Variants in HABP4 observed in about 807,000 individuals in gnomAD.
HABP4 encodes hyaluronan binding protein 4.
In HABP4, 32 loss-of-function variants were observed where a neutral mutation model predicts 44.1. The ratio of observed to expected loss-of-function variants is 0.73; its 90% confidence interval spans 0.55 to 0.97. HABP4 has a LOEUF of 0.97. Ranked by LOEUF, HABP4 falls within the 50% of genes least tolerant of loss-of-function variation. HABP4 has a pLI of 0.00. For missense variants in HABP4, 503 were observed against 561.9 expected (o/e 0.90, Z 1.06); for synonymous variants, 216 against 218.0 (o/e 0.99, Z 0.08).
At chr9:96,481,071 C>T (rs1832868962) in intron 5 of HABP4, among the ~76,000 whole-genome samples, 1 of 152,084 alleles carries the variant, frequency 6.6e-6, no homozygotes, top group Non-Finnish European at 1.5e-5. Flanking sequence ...ATTCCCCACT[C>T]CCCACCTACT....
chr9:96,474,009 G>A (rs557745524), intron 5 of HABP4, among the ~76,000 whole-genome samples: 2 of 152,230 alleles, frequency 1.3e-5, no homozygotes, highest in Admixed American at 1.3e-4. Flanking sequence ...ACATTATAGG[G>A]TTCTTGTAAA....
intron 4 of HABP4, among the ~76,000 whole-genome samples, chr9:96,469,672 G>A (rs1297078887): frequency 6.6e-6 from 1 of 151,964 alleles, no homozygotes; most frequent in Non-Finnish European, 1.5e-5. Flanking sequence ...ACAGGCACCC[G>A]CCACCACGCC....
chr9:96,457,570 T>C (rs989460777), intron 1 of HABP4, among the ~76,000 whole-genome samples: 2 of 152,180 alleles, frequency 1.3e-5, no homozygotes, highest in African/African-American at 4.8e-5. Context: ...CTACAAACTT[T>C]AAAAACAAAA....
At chr9:96,472,715 G>T (rs10820666) in intron 5 of HABP4, among the ~76,000 whole-genome samples, 35,305 of 152,030 alleles carry the variant, frequency 0.23, 5,109 homozygotes, top group African/African-American at 0.41. Context: ...TCTCTCCTGC[G>T]TAAGTGTCCT....
At chr9:96,488,000 T>C in intron 6 of HABP4, 89 bp from the exon 7 acceptor site, 1 of 888,484 alleles carries the variant, frequency 1.1e-6, no homozygotes, top group Non-Finnish European at 1.9e-6. Flanking sequence ...GTGTTTTAGC[T>C]CCTGTGTAGC....
chr9:96,465,631 T>C, intron 3 of HABP4, 79 bp from the exon 4 acceptor site: 4 of 1,213,418 alleles, frequency 3.3e-6, no homozygotes, highest in Admixed American at 1.7e-5. Flanking sequence ...TCCTGGGACT[T>C]TTATGAACCA....
chr9:96,471,216 C>T, intron 5 of HABP4, 122 bp downstream of exon 5: 1 of 639,914 alleles, frequency 1.6e-6, no homozygotes, highest in African/African-American at 1.8e-5. Flanking sequence ...AATCTTGGCT[C>T]ACTGCAACCT....
intron 1 of HABP4, among the ~76,000 whole-genome samples, chr9:96,456,819 A>ATATATATATATC (rs1183734164): frequency 8.1e-6 from 1 of 123,580 alleles, no homozygotes; most frequent in Non-Finnish European, 1.7e-5. Flanking sequence ...ATATATATAT[A>ATATATATATATC]TATCCATTAA....
intron 2 of HABP4, among the ~76,000 whole-genome samples, chr9:96,460,481 A>G (rs1392625421): frequency 6.6e-6 from 1 of 152,338 alleles, no homozygotes; most frequent in African/African-American, 2.4e-5. Flanking sequence ...AATGAATACA[A>G]TACTGTTACC....
Position 96,490,993 on chromosome 9 carries a change from A to G in HABP4, c.*955A>G, listed in dbSNP as rs543133095. On this transcript the variant is annotated 3_prime_UTR_variant, in exon 8 of 8. Coordinates refer to ENST00000375249, the MANE Select transcript of HABP4 (RefSeq NM_014282.4). ...TTGGTGAAAGTTTGGGGTTGGGGGTACACCTCAGAGGTTCAGTAATTCACC... is the reference window on the plus strand; with the variant it reads ...TTGGTGAAAGTTTGGGGTTGGGGGTGCACCTCAGAGGTTCAGTAATTCACC... 1.3e-5 allele frequency: 2 copies of G among 152,288 alleles called. No homozygotes were observed. The highest frequency in any genetic ancestry group is 2.9e-5 in the Non-Finnish European group (2 of 68,118). The allele number at this position is 152,288 out of a possible 1,614,324, so 9.4% of individuals were successfully genotyped here.
At chr9:96,486,885 A>C (rs760070299) in intron 6 of HABP4, among the ~76,000 whole-genome samples, 19 of 151,994 alleles carry the variant, frequency 1.3e-4, no homozygotes, top group Non-Finnish European at 2.5e-4. Flanking sequence ...CACTGCCCCG[A>C]GGCCCTTCCT....
At chr9:96,474,477 G>GA in intron 5 of HABP4, among the ~76,000 whole-genome samples, 1 of 152,294 alleles carries the variant, frequency 6.6e-6, no homozygotes. Flanking sequence ...TAGTCACTGT[G>GA]AAAGAAAATA....
At chr9:96,458,281 T>G in intron 1 of HABP4, 98 bp from the exon 2 acceptor site, 1 of 1,252,828 alleles carries the variant, frequency 8.0e-7, no homozygotes, top group Non-Finnish European at 1.2e-6. Context: ...ATGACGTTGA[T>G]TTCTAGAAAA....
At position 96,488,272 on chromosome 9, in the gene HABP4, G is replaced by A. The variant is rs1180579744; in HGVS notation, c.1183G>A (p.Val395Met). Residue 395 changes from valine to methionine, a missense_variant and splice_region_variant, in exon 7 of 8, where the codon GTG (valine) becomes ATG (methionine). Coordinates refer to ENST00000375249, the MANE Select transcript of HABP4 (RefSeq NM_014282.4). This position sits in a 1 kb window ranked among gnomAD's most constrained non-coding sequence, Gnocchi z 4.6. ...GAACTATGGACCCAGAGCAGAAGTGGTGGTAGGTGTCTGTATTGACGGTTT... is the reference window on the plus strand; with the variant it reads ...GAACTATGGACCCAGAGCAGAAGTGATGGTAGGTGTCTGTATTGACGGTTT... ...AENYGPRAEV[V>M]MQDVAPNPDD... The A allele has an allele frequency of 6.2e-7, 1 of 1,608,276 alleles. No individual in the cohort carries two copies. The highest frequency in any genetic ancestry group is 8.5e-7 in the Non-Finnish European group (1 of 1,176,598).
chr9:96,481,096 T>G (rs1370334679), intron 5 of HABP4, among the ~76,000 whole-genome samples: 1 of 152,194 alleles, frequency 6.6e-6, no homozygotes, highest in Non-Finnish European at 1.5e-5. Flanking sequence ...TGTTTTGTTT[T>G]GTTTTGGAGA....
chr9:96,462,290 A>G (rs1297149378), intron 2 of HABP4, among the ~76,000 whole-genome samples: 1 of 151,798 alleles, frequency 6.6e-6, no homozygotes, highest in Non-Finnish European at 1.5e-5. Flanking sequence ...CATCTCTACT[A>G]AAAATACAAA....
At chr9:96,483,606 A>T (rs573751850) in intron 5 of HABP4, 1 of 152,234 alleles carries the variant, frequency 6.6e-6, no homozygotes, top group East Asian at 1.9e-4. Flanking sequence ...GAGATATATT[A>T]TTTGTAAATA....
At position 96,471,051 on chromosome 9, in the gene HABP4, G is replaced by A; in HGVS notation, c.784G>A (p.Val262Met). The change falls in exon 5 of 8, where the codon GTG becomes ATG. Residue 262 changes from valine (V) to methionine (M), a missense_variant. By Grantham distance (21) the Val-to-Met change is conservative. Around this residue, in one of 3 missense-constraint regions of HABP4, gnomAD observed 131 missense variants for 189.8 expected, o/e 0.69. Coordinates refer to ENST00000375249, the MANE Select transcript of HABP4 (RefSeq NM_014282.4). ...PTAPMEEPTV[V>M]EESQGTPEEE... ...TGCACCGATGGAGGAACCCACAGTG[G>A]TGGAGGAGTCCCAGGGCACCCCGGA... The A allele has an allele frequency of 6.2e-7, 1 of 1,608,746 alleles. No individual in the cohort carries two copies. Among genetic ancestry groups the A allele is most frequent in the Non-Finnish European group, 8.5e-7 (1 of 1,175,102 alleles).
At chr9:96,451,402 C>G (rs1587765749) in intron 1 of HABP4, 1 of 857,598 alleles carries the variant, frequency 1.2e-6, no homozygotes, top group Non-Finnish European at 1.4e-6. Flanking sequence ...AGAGTTCATT[C>G]TCTCACCGAA....
Sources: allele counts gnomAD v4.1 joint callset (sites outside exome capture counted in the v4.1 genomes callset), GRCh38; gene constraint gnomAD v4.1.1; regional missense constraint gnomAD v4.1.1; non-coding constraint Gnocchi (gnomAD v3.1); transcripts MANE v1.5; gene names NCBI Gene and HGNC (gene_info 2026-07-23, HGNC 2026-07-21).